PCDHGA4: variants seen among roughly 807,000 people sequenced by gnomAD.
PCDHGA4 encodes protocadherin gamma-A4.
In PCDHGA4, 38 loss-of-function variants were observed where a neutral mutation model predicts 54.6. The ratio of observed to expected loss-of-function variants is 0.70; its 90% CI spans 0.54 to 0.91. PCDHGA4 has a LOEUF of 0.91. Ranked by LOEUF, PCDHGA4 falls within the 40% of genes least tolerant of loss-of-function variation. The pLI is 0.00. For synonymous variants in PCDHGA4, 511 were observed against 512.9 expected, an observed-to-expected ratio of 1.00 and a Z score of 0.05; for missense variants, 1,298 against 1,220.9, an observed-to-expected ratio of 1.06 and a Z score of -0.94.
chr5:141,476,725 C>G lies in PCDHGA4; in HGVS notation c.2515-18082C>G. On this transcript the variant is annotated intron_variant, in intron 1 of 3. Coordinates refer to ENST00000571252, the MANE Select transcript of PCDHGA4 (RefSeq NM_018917.4). This position sits in a 1 kb window ranked among gnomAD's most constrained non-coding sequence, Gnocchi z 7.6. ...AGCTGGTGTTGGAGCGCGCCCTGGA[C>G]CGAGAACGGGAGCCTAGTCTCCAGT... The G allele has an allele frequency of 6.2e-7, 1 of 1,614,132 alleles. No homozygotes were observed. Among genetic ancestry groups the G allele is most frequent in the Non-Finnish European group, 8.5e-7 (1 of 1,180,038 alleles).
intron 1 of PCDHGA4, among the ~76,000 whole-genome samples, chr5:141,451,606 G>C (rs2098720118): frequency 6.6e-6 from 1 of 152,152 alleles, no homozygotes; most frequent in Non-Finnish European, 1.5e-5. Flanking sequence ...ACAAGGCTAG[G>C]CATGGTGGCT....
chr5:141,430,151 A>T (rs774490087), intron 1 of PCDHGA4, among the ~76,000 whole-genome samples: 8 of 152,166 alleles, frequency 5.3e-5, no homozygotes, highest in Non-Finnish European at 8.8e-5. Flanking sequence ...GGATCATTCA[A>T]GGAATCTATT....
chr5:141,421,569 C>T (rs1029858235), intron 1 of PCDHGA4: 2 of 1,613,884 alleles, frequency 1.2e-6, no homozygotes, highest in Non-Finnish European at 1.7e-6. Flanking sequence ...TGGAAGACAC[C>T]TTGAAGATTT....
chr5:141,478,293 T>C (rs2099444312), intron 1 of PCDHGA4: 2 of 1,614,026 alleles, frequency 1.2e-6, no homozygotes. Context: ...TCTAGAGACC[T>C]ATACCGAGCC....
At chr5:141,448,654 A>G (rs966383140) in intron 1 of PCDHGA4, among the ~76,000 whole-genome samples, 1 of 152,048 alleles carries the variant, frequency 6.6e-6, no homozygotes, top group African/African-American at 2.4e-5. Context: ...AAATATTTCC[A>G]TATTGGCCGG....
At chr5:141,440,912 G>A (rs1281398967) in intron 1 of PCDHGA4, 1 of 152,254 alleles carries the variant, frequency 6.6e-6, no homozygotes, top group African/African-American at 2.4e-5. Context: ...GGGCACTCCT[G>A]TGCTGAGAGT....
chr5:141,379,132 AG>A (rs1236158161), intron 1 of PCDHGA4: 1 of 152,236 alleles, frequency 6.6e-6, no homozygotes, highest in East Asian at 1.9e-4. Flanking sequence ...AAAATAAATG[AG>A]AACCTCCTTT....
intron 1 of PCDHGA4, chr5:141,419,835 C>T: frequency 1.2e-6 from 2 of 1,614,084 alleles, no homozygotes; most frequent in African/African-American, 1.3e-5. Flanking sequence ...GCCACTGCCA[C>T]GCTGCACCTG....
rs367651596 is a variant in PCDHGA4, at chr5:141,393,468, A to G, written c.2514+35847A>G. 1.1e-5 allele frequency: 18 copies of G among 1,613,922 alleles called. No individual in the cohort carries two copies. The highest frequency in any genetic ancestry group is 8.0e-5 in the African/African-American group (6 of 74,958). ...GGTCCTCACGGCCTCGGATGGCGGC[A>G]AGCCGCCTCGCTCTAGCACAGTGCG... On this transcript the variant is annotated intron_variant, in intron 1 of 3. Coordinates refer to ENST00000571252, the MANE Select transcript of PCDHGA4 (RefSeq NM_018917.4).
intron 1 of PCDHGA4, chr5:141,421,700 C>G: frequency 6.2e-7 from 1 of 1,613,900 alleles, no homozygotes; most frequent in Non-Finnish European, 8.5e-7. Context: ...CTTCCTAATG[C>G]TAGGGATCCA....
intron 2 of PCDHGA4, among the ~76,000 whole-genome samples, chr5:141,501,771 G>A (rs957546749): frequency 7.2e-5 from 11 of 152,118 alleles, no homozygotes; most frequent in African/African-American, 2.7e-4. Context: ...GGTTAAAAAA[G>A]AGGTCTCTCT....
intron 1 of PCDHGA4, chr5:141,365,734 T>C: frequency 4.3e-6 from 7 of 1,613,550 alleles, no homozygotes; most frequent in Non-Finnish European, 5.1e-6. Context: ...ATCCCAGAGG[T>C]GTCTCTATCT....
chr5:141,408,053 TC>T, intron 1 of PCDHGA4: 1 of 1,288,090 alleles, frequency 7.8e-7, no homozygotes, highest in South Asian at 1.6e-5. Context: ...ACACAGAGCC[TC>T]CCGGCTGCGC....
intron 1 of PCDHGA4, chr5:141,378,618 ATGAC>A (rs1399279904): frequency 2.6e-5 from 4 of 152,254 alleles, no homozygotes; most frequent in African/African-American, 7.2e-5. Context: ...CTAAAAATAG[ATGAC>A]TGACTGGTGA....
At chr5:141,382,819 G>A in intron 1 of PCDHGA4, 2 of 1,297,966 alleles carry the variant, frequency 1.5e-6, no homozygotes, top group Non-Finnish European at 2.1e-6. Context: ...CCCTTCCTAA[G>A]ACAGAGGGGT....
intron 2 of PCDHGA4, among the ~76,000 whole-genome samples, chr5:141,503,088 C>T (rs1003234288): frequency 4.0e-5 from 6 of 151,864 alleles, no homozygotes; most frequent in Admixed American, 1.3e-4. Context: ...CTCCTGACCT[C>T]GTGGTCTGCC....
chr5:141,361,960 C>T, intron 1 of PCDHGA4: 1 of 1,602,668 alleles, frequency 6.2e-7, no homozygotes, highest in Non-Finnish European at 8.5e-7. Flanking sequence ...CTACCACGTG[C>T]TGCAGGCCAG....
Position 141,431,500 on chromosome 5 carries a change from C to T in PCDHGA4, c.2515-63307C>T, listed in dbSNP as rs903027252. On this transcript the variant is annotated intron_variant, in intron 1 of 3. Transcript: ENST00000571252. This position sits in a 1 kb window ranked among gnomAD's most constrained non-coding sequence, Gnocchi z 4.8. ...CACCAGCGTTTGCTCAGCCCGAGTACCGCGCGAGCGTTCCGGAGAATCTGG... is the reference window on the plus strand; with the variant it reads ...CACCAGCGTTTGCTCAGCCCGAGTATCGCGCGAGCGTTCCGGAGAATCTGG... The T allele has an allele frequency of 4.4e-5, 71 of 1,613,894 alleles. No individual in the cohort carries two copies. The highest frequency in any genetic ancestry group is 5.9e-5 in the Non-Finnish European group (70 of 1,180,050).
At chr5:141,408,205 G>A (rs1222360149) in intron 1 of PCDHGA4, 2 of 1,551,762 alleles carry the variant, frequency 1.3e-6, no homozygotes, top group Non-Finnish European at 1.7e-6. Context: ...AGCGAACGAT[G>A]GGAGGGAGCT....
Sources: allele counts gnomAD v4.1 joint callset (sites outside exome capture counted in the v4.1 genomes callset), GRCh38; gene constraint gnomAD v4.1.1; non-coding constraint Gnocchi (gnomAD v3.1); transcripts MANE v1.5; gene names NCBI Gene and HGNC (gene_info 2026-07-23, HGNC 2026-07-21).